The following NPAS3 variants were observed in gnomAD, a reference collection of about 807,000 sequenced individuals.
NPAS3 encodes the protein neuronal PAS domain protein 3, also known as neuronal PAS domain-containing protein 3.
NPAS3 carries 14 observed loss-of-function variants against 73.1 expected under a neutral mutation model. The ratio of observed to expected loss-of-function variants is 0.19; its 90% CI spans 0.13 to 0.30. NPAS3 has a LOEUF of 0.30. Ranked by LOEUF, NPAS3 falls within the 10% of genes least tolerant of loss-of-function variation. The pLI, the probability that NPAS3 is intolerant of heterozygous loss-of-function variation, is 1.00. For missense variants in NPAS3, 1,096 were observed against 1,250.0 expected, an observed-to-expected ratio of 0.88 and a Z score of 1.86; for synonymous variants, 620 against 541.5, an observed-to-expected ratio of 1.14 and a Z score of -2.01.
intron 1 of NPAS3, among the ~76,000 whole-genome samples, chr14:32,972,910 T>G (rs1423951914): frequency 2.0e-5 from 3 of 152,224 alleles, no homozygotes; most frequent in African/African-American, 7.2e-5. Flanking sequence ...GGACAACCGC[T>G]ACTGTACCTG....
chr14:33,768,537 A>C (rs1372279772), intron 7 of NPAS3, among the ~76,000 whole-genome samples: 6 of 152,156 alleles, frequency 3.9e-5, no homozygotes. Context: ...TCCTGCCCCC[A>C]CTATGGGGCT....
chr14:33,413,624 G>A (rs912201397), intron 4 of NPAS3, among the ~76,000 whole-genome samples: 1 of 152,168 alleles, frequency 6.6e-6, no homozygotes, highest in African/African-American at 2.4e-5. Flanking sequence ...GTGTGAGCAG[G>A]CAGTGTGGCT....
rs1030533376 is a variant in NPAS3 at position 33,160,664 on chromosome 14, G to A, written c.141-54518G>A. Among the ~76,000 whole-genome samples, 5 of 151,012 alleles carry A rather than the reference G, an allele frequency of 3.3e-5. No individual in the cohort carries two copies. In the East Asian group the frequency reaches 7.7e-4, roughly 23 times the overall value. ...ATTAAAAAAAAAAAAAGAAAAGTCT[G>A]TGGTTCTGTCCATCTTTCAAGTATA... On this transcript the variant is annotated intron_variant, in intron 2 of 11. Transcript: ENST00000356141.
chr14:32,938,486 T>TGAGAGAGAGA (rs369330767), upstream of NPAS3, among the ~76,000 whole-genome samples: 113 of 55,880 alleles, frequency 2.0e-3, 2 homozygotes, highest in African/African-American at 3.0e-3. Context: ...AGAGAGAAAT[T>TGAGAGAGAGA]GAGAGAGAGA....
intron 1 of NPAS3, among the ~76,000 whole-genome samples, chr14:32,972,598 T>G (rs545310023): frequency 2.6e-5 from 4 of 152,352 alleles, no homozygotes; most frequent in African/African-American, 9.6e-5. Context: ...AAATGACCCA[T>G]GCTGAATCCA....
chr14:33,038,894 A>G (rs767222957), intron 1 of NPAS3, among the ~76,000 whole-genome samples: 1 of 152,230 alleles, frequency 6.6e-6, no homozygotes, highest in Admixed American at 6.5e-5. Flanking sequence ...TTCATCAGTT[A>G]TCTTAGGACA....
At chr14:33,627,834 G>C (rs1317225077) in intron 5 of NPAS3, among the ~76,000 whole-genome samples, 1 of 152,224 alleles carries the variant, frequency 6.6e-6, no homozygotes, top group Non-Finnish European at 1.5e-5. Context: ...TGTTCACAGA[G>C]ATGCTGATGA....
chr14:33,454,623 G>T (rs1566917903), intron 4 of NPAS3, among the ~76,000 whole-genome samples: 1 of 152,184 alleles, frequency 6.6e-6, no homozygotes, highest in African/African-American at 2.4e-5. Context: ...GTAAGTATAG[G>T]CATGCATTCA....
At chr14:33,109,667 A>G (rs1380506940) in intron 2 of NPAS3, among the ~76,000 whole-genome samples, 1 of 152,046 alleles carries the variant, frequency 6.6e-6, no homozygotes, top group African/African-American at 2.4e-5. Flanking sequence ...TATAATGATA[A>G]AGTTGATTTT....
At chr14:33,234,433 G>T (rs1335668920) in intron 3 of NPAS3, among the ~76,000 whole-genome samples, 1 of 152,088 alleles carries the variant, frequency 6.6e-6, no homozygotes, top group East Asian at 1.9e-4. Flanking sequence ...TATGGTTAGA[G>T]ATGTATCTCT....
At chr14:33,080,070 C>G (rs886607102) in intron 2 of NPAS3, among the ~76,000 whole-genome samples, 5 of 152,054 alleles carry the variant, frequency 3.3e-5, no homozygotes, top group African/African-American at 4.8e-5. Context: ...AATATCAGCA[C>G]TTTTGAATGG....
At chr14:33,797,830 G>A (rs950209256) in intron 11 of NPAS3, among the ~76,000 whole-genome samples, 3 of 150,268 alleles carry the variant, frequency 2.0e-5, no homozygotes, top group Admixed American at 1.3e-4. Context: ...ATGTAGTGCT[G>A]GATAAATACA....
At chr14:33,461,971 A>G (rs1238868873) in intron 4 of NPAS3, among the ~76,000 whole-genome samples, 1 of 152,060 alleles carries the variant, frequency 6.6e-6, no homozygotes, top group African/African-American at 2.4e-5. Context: ...GTGTCCTTAT[A>G]TTTTCTAAGG....
chr14:33,356,575 A>T (rs1410640192), intron 3 of NPAS3, among the ~76,000 whole-genome samples: 1 of 152,138 alleles, frequency 6.6e-6, no homozygotes, highest in African/African-American at 2.4e-5. Context: ...TCATTTGAGT[A>T]TTCATTTGGT....
At position 33,367,166 on chromosome 14, in the gene NPAS3, T is replaced by G. The variant is rs2045880318; in HGVS notation, c.386-20T>G. ...CTCCAACTTAATTGTTCTGTTTTCT[T>G]TCTTTCTTTTTCTTTTAAGTTATAG... On this transcript the variant is annotated intron_variant, in intron 3 of 11. Coordinates refer to ENST00000356141, the Ensembl canonical transcript of NPAS3. The G allele has an allele frequency of 3.6e-6, 3 of 831,214 alleles. No homozygotes were observed. Among genetic ancestry groups the G allele is most frequent in the East Asian group, 4.9e-5 (2 of 40,778 alleles). 51.5% of individuals were successfully genotyped at this position (831,214 alleles called of 1,614,324 possible).
At chr14:33,684,898 G>A (rs1203991793) in intron 6 of NPAS3, among the ~76,000 whole-genome samples, 1 of 152,188 alleles carries the variant, frequency 6.6e-6, no homozygotes, top group African/African-American at 2.4e-5. Flanking sequence ...ATCAGGAGGT[G>A]GACGTGTCCC....
intron 7 of NPAS3, among the ~76,000 whole-genome samples, chr14:33,751,178 T>A (rs982115697): frequency 6.6e-6 from 1 of 152,156 alleles, no homozygotes; most frequent in Non-Finnish European, 1.5e-5. Flanking sequence ...AGATTAAGAG[T>A]GTTTCATGTC....
intron 4 of NPAS3, among the ~76,000 whole-genome samples, chr14:33,404,924 T>C (rs556298026): frequency 1.3e-5 from 2 of 152,132 alleles, no homozygotes; most frequent in Non-Finnish European, 2.9e-5. Flanking sequence ...TGGTCATTGT[T>C]GTCTGTTTGT....
At chr14:33,619,273 C>T (rs769146905) in intron 5 of NPAS3, among the ~76,000 whole-genome samples, 1 of 152,100 alleles carries the variant, frequency 6.6e-6, no homozygotes, top group African/African-American at 2.4e-5. Context: ...ATGAAATTTA[C>T]TGTGAAATCC....
Sources: gnomAD v4.1 joint callset for allele counts (sites outside exome capture counted in the v4.1 genomes callset) on GRCh38, gnomAD v4.1.1 for gene constraint, MANE v1.5 for transcripts, NCBI Gene and HGNC (gene_info 2026-07-23, HGNC 2026-07-21) for gene names.